EFCAB6: variants seen among roughly 807,000 people sequenced by gnomAD.
EFCAB6 encodes the protein EF-hand calcium binding domain 6.
Under a neutral mutation model 169.8 loss-of-function variants are expected in EFCAB6, and 156 were observed. The ratio of observed to expected loss-of-function variants is 0.92; its 90% CI spans 0.81 to 1.05. The LOEUF is 1.05. Among genes scored for constraint, EFCAB6 ranks in the 50% least tolerant of loss-of-function variants. The pLI is 0.00. For missense variants in EFCAB6, 1,800 were observed against 1,829.1 expected, an observed-to-expected ratio of 0.98 and a Z score of 0.29; for synonymous variants, 698 against 676.4, an observed-to-expected ratio of 1.03 and a Z score of -0.50.
intron 1 of EFCAB6, 33 bp from the exon 2 acceptor site, chr22:43,809,164 C>T (rs2063020378): frequency 6.6e-6 from 1 of 152,104 alleles, no homozygotes; most frequent in Admixed American, 6.6e-5. Context: ...ACAGGTTAGA[C>T]CTATTTTTCC....
At chr22:43,636,609 CTTTTTTTTT>C (rs907909699) in intron 17 of EFCAB6, among the ~76,000 whole-genome samples, 5 of 126,300 alleles carry the variant, frequency 4.0e-5, no homozygotes, top group African/African-American at 1.5e-4. Flanking sequence ...CAGTTCTTTT[CTTTTTTTTT>C]TTTTTTTTTT....
At chr22:43,716,176 G>T (rs535952362) in intron 9 of EFCAB6, among the ~76,000 whole-genome samples, 3 of 152,280 alleles carry the variant, frequency 2.0e-5, no homozygotes, top group South Asian at 2.1e-4. Context: ...GATGAAGATA[G>T]AATTTATTTT....
intron 11 of EFCAB6, 76 bp downstream of exon 11, chr22:43,687,395 G>T: frequency 2.3e-6 from 2 of 880,346 alleles, no homozygotes; most frequent in Non-Finnish European, 3.3e-6. Context: ...AGAAAAAGTA[G>T]CACAGATATT....
intron 3 of EFCAB6, among the ~76,000 whole-genome samples, chr22:43,781,492 T>G (rs2061822225): frequency 6.6e-6 from 1 of 152,030 alleles, no homozygotes. Flanking sequence ...CCTGGCTAAT[T>G]TTTTGTATTT....
chr22:43,533,489 A>AC (rs1260411816), intron 30 of EFCAB6: 2 of 152,266 alleles, frequency 1.3e-5, no homozygotes, highest in African/African-American at 4.8e-5. Context: ...GATCAAGGCT[A>AC]CTGGTTCCCA....
intron 6 of EFCAB6, among the ~76,000 whole-genome samples, chr22:43,755,257 CTG>C (rs1355926016): frequency 6.6e-6 from 1 of 152,242 alleles, no homozygotes; most frequent in South Asian, 2.1e-4. Flanking sequence ...TAGCTGTGTG[CTG>C]TGAGATCTAA....
intron 2 of EFCAB6, among the ~76,000 whole-genome samples, chr22:43,787,555 AAG>A (rs1411880366): frequency 1.3e-5 from 2 of 152,216 alleles, no homozygotes; most frequent in Non-Finnish European, 2.9e-5. Flanking sequence ...ATTAAACAAA[AAG>A]TACAATATTT....
intron 23 of EFCAB6, among the ~76,000 whole-genome samples, chr22:43,593,034 A>G (rs1238534238): frequency 1.3e-5 from 2 of 151,856 alleles, no homozygotes; most frequent in African/African-American, 2.4e-5. Context: ...AAATCTGTCA[A>G]TCTGATCAGA....
At chr22:43,715,522 TTTAAA>T in intron 9 of EFCAB6, among the ~76,000 whole-genome samples, 1 of 152,310 alleles carries the variant, frequency 6.6e-6, no homozygotes, top group East Asian at 1.9e-4. Flanking sequence ...TTCAAGGAAA[TTTAAA>T]TTAAATACGT....
chr22:43,691,668 T>C (rs1457088359), intron 10 of EFCAB6, among the ~76,000 whole-genome samples: 6 of 152,160 alleles, frequency 3.9e-5, no homozygotes, highest in African/African-American at 1.4e-4. Context: ...TTAATAAAAT[T>C]ATAAATATAT....
intron 3 of EFCAB6, among the ~76,000 whole-genome samples, chr22:43,779,016 A>C (rs1252495313): frequency 6.6e-6 from 1 of 152,234 alleles, no homozygotes; most frequent in Non-Finnish European, 1.5e-5. Flanking sequence ...ATTCAAACTG[A>C]GAATGGGAAA....
chr22:43,674,441 G>C (rs2057633262), intron 13 of EFCAB6, among the ~76,000 whole-genome samples: 1 of 152,164 alleles, frequency 6.6e-6, no homozygotes, highest in Non-Finnish European at 1.5e-5. Context: ...GGCTCCGGGG[G>C]TGCTGAGCTC....
rs1602905431 is a variant in EFCAB6, at chr22:43,645,297, T to C, written c.1984-10081A>G. Reference sequence around the variant, plus strand: ...GCTGCCAGAATACAAGCATTGCTTTTGGCAAATTAAAGTGCATGTCATTTC... The same window carrying C: ...GCTGCCAGAATACAAGCATTGCTTTCGGCAAATTAAAGTGCATGTCATTTC... On this transcript the variant is annotated intron_variant, in intron 17 of 31. Transcript: ENST00000262726. 2.0e-5 allele frequency among the ~76,000 whole-genome samples: 3 copies of C among 152,364 alleles called. No individual in the cohort carries two copies. In the East Asian group the frequency reaches 5.8e-4, roughly 29 times the overall value.
chr22:43,779,774 A>G (rs2061754713), intron 3 of EFCAB6, among the ~76,000 whole-genome samples: 1 of 152,010 alleles, frequency 6.6e-6, no homozygotes, highest in Admixed American at 6.6e-5. Context: ...TAAAAAAAAC[A>G]CTCCAGTGCA....
chr22:43,664,617 G>A (rs2057159125), intron 17 of EFCAB6, among the ~76,000 whole-genome samples: 2 of 152,228 alleles, frequency 1.3e-5, no homozygotes, highest in Non-Finnish European at 2.9e-5. Flanking sequence ...AGGAGGCAAG[G>A]GGAGAGCCAT....
intron 17 of EFCAB6, among the ~76,000 whole-genome samples, chr22:43,659,045 C>A (rs1410082351): frequency 6.6e-6 from 1 of 152,182 alleles, no homozygotes; most frequent in Non-Finnish European, 1.5e-5. Context: ...CCCGCTGTGC[C>A]GACAGCAGTC....
At chr22:43,742,001 C>T (rs971123902) in intron 6 of EFCAB6, among the ~76,000 whole-genome samples, 13 of 151,986 alleles carry the variant, frequency 8.6e-5, no homozygotes, top group Admixed American at 3.9e-4. Flanking sequence ...ACCGCTGAAC[C>T]GGTAACAAAA....
intron 10 of EFCAB6, among the ~76,000 whole-genome samples, chr22:43,703,187 T>G (rs1014339114): frequency 2.6e-5 from 4 of 152,176 alleles, no homozygotes; most frequent in Non-Finnish European, 5.9e-5. Flanking sequence ...GCAACTGTAA[T>G]GTCCATCCAG....
At chr22:43,658,855 T>G (rs1226156790) in intron 17 of EFCAB6, among the ~76,000 whole-genome samples, 2 of 152,216 alleles carry the variant, frequency 1.3e-5, no homozygotes, top group Non-Finnish European at 2.9e-5. Context: ...GGAAGCTGTT[T>G]GGAACAGGAA....
Sources: gnomAD v4.1 joint callset for allele counts (sites outside exome capture counted in the v4.1 genomes callset) on GRCh38, gnomAD v4.1.1 for gene constraint, MANE v1.5 for transcripts, NCBI Gene and HGNC (gene_info 2026-07-23, HGNC 2026-07-21) for gene names.